The following TRANK1 variants were observed in gnomAD, a reference collection of about 807,000 sequenced individuals.
TRANK1 encodes the protein TPR and ankyrin repeat-containing protein 1.
TRANK1 carries 198 observed loss-of-function variants against 266.0 expected under a neutral mutation model. The ratio of observed to expected loss-of-function variants is 0.74; its 90% CI spans 0.66 to 0.84. TRANK1 has a LOEUF of 0.84. TRANK1 is among the 40% of genes least tolerant of loss of function. TRANK1 has a pLI of 0.00. For synonymous variants in TRANK1, 1,396 were observed against 1,384.1 expected, an observed-to-expected ratio of 1.01 and a Z score of -0.19; for missense variants, 3,326 against 3,634.6, an observed-to-expected ratio of 0.92 and a Z score of 2.18.
chr3:36,930,802 G>A (rs1171314507), intron 1 of TRANK1, among the ~76,000 whole-genome samples: 1 of 152,154 alleles, frequency 6.6e-6, no homozygotes, highest in Admixed American at 6.5e-5. Context: ...TGACTGGAAA[G>A]GGGTATCAGT....
At chr3:36,847,125 CTCTCA>C in intron 16 of TRANK1, 70 bp downstream of exon 16, 1 of 1,478,676 alleles carries the variant, frequency 6.8e-7, no homozygotes, top group Non-Finnish European at 9.1e-7. Flanking sequence ...TCCATTTTTC[CTCTCA>C]TCTTCTCTTC....
intron 1 of TRANK1, among the ~76,000 whole-genome samples, chr3:36,920,873 T>C (rs938935194): frequency 5.3e-5 from 8 of 152,120 alleles, no homozygotes; most frequent in African/African-American, 1.7e-4. Context: ...GAGTTGGGGG[T>C]TGTGTAATTT....
intron 8 of TRANK1, among the ~76,000 whole-genome samples, chr3:36,878,805 G>A (rs931625895): frequency 7.4e-6 from 1 of 135,998 alleles, no homozygotes; most frequent in Non-Finnish European, 1.5e-5. Flanking sequence ...AAAAGAAATG[G>A]CTCACTAAAA....
At chr3:36,918,499 GAAAGAAAGAAAGAAAGAAA>G (rs2080159105) in intron 1 of TRANK1, among the ~76,000 whole-genome samples, 1 of 28,548 alleles carries the variant, frequency 3.5e-5, no homozygotes, top group African/African-American at 1.5e-4. Flanking sequence ...AAGAAAGAAA[GAAAGAAAGAAAGAAAGAAA>G]GAAAGAAAGA....
At chr3:36,841,510 T>C (rs1159269216) in intron 18 of TRANK1, among the ~76,000 whole-genome samples, 1 of 152,182 alleles carries the variant, frequency 6.6e-6, no homozygotes, top group African/African-American at 2.4e-5. Context: ...GTTCCTCCTC[T>C]CTTTCTTGCC....
intron 8 of TRANK1, among the ~76,000 whole-genome samples, chr3:36,877,220 C>T (rs1405947508): frequency 3.3e-5 from 5 of 152,162 alleles, no homozygotes; most frequent in Non-Finnish European, 4.4e-5. Flanking sequence ...TACCAATAAG[C>T]TAGCACATCT....
At chr3:36,843,026 C>T (rs984573508) in intron 17 of TRANK1, among the ~76,000 whole-genome samples, 3 of 152,164 alleles carry the variant, frequency 2.0e-5, no homozygotes, top group Non-Finnish European at 4.4e-5. Context: ...TGGCTGGCTG[C>T]AAACCAAGGA....
intron 8 of TRANK1, among the ~76,000 whole-genome samples, chr3:36,885,819 C>A (rs1449775852): frequency 3.3e-5 from 5 of 152,262 alleles, no homozygotes; most frequent in African/African-American, 1.2e-4. Flanking sequence ...GGATTACAGG[C>A]AGGAGGCACT....
At chr3:36,883,636 A>C (rs1448605122) in intron 8 of TRANK1, among the ~76,000 whole-genome samples, 1 of 152,134 alleles carries the variant, frequency 6.6e-6, no homozygotes, top group Admixed American at 6.6e-5. Context: ...CTGATTATCT[A>C]TAAGGCTGGA....
intron 13 of TRANK1, 76 bp from the exon 14 acceptor site, chr3:36,852,421 A>G: frequency 7.3e-7 from 1 of 1,363,302 alleles, no homozygotes; most frequent in Admixed American, 2.8e-5. Flanking sequence ...GGTGGGGGAC[A>G]TGTTTTTCCT....
intron 20 of TRANK1, among the ~76,000 whole-genome samples, chr3:36,837,479 A>G (rs4234258): frequency 0.39 from 59,153 of 151,954 alleles, 12,336 homozygotes; most frequent in African/African-American, 0.52. Context: ...TACAGACAAG[A>G]AAACCCCCTT....
In TRANK1 at chr3:36,894,394, A is replaced by T. The variant is rs958031475; in HGVS notation, c.552+1246T>A. 2.6e-5 allele frequency among the ~76,000 whole-genome samples: 4 copies of T among 152,216 alleles called. No individual in the cohort carries two copies. The South Asian group carries it at 6.2e-4, about 24-fold the overall frequency. On this transcript the variant is annotated intron_variant, in intron 5 of 23. Transcript: ENST00000645898. The stretch of plus-strand genomic sequence containing the variant: ...GAATCACAGAATTTCAAAACTTTTT[A>T]AAAAATAAAGCTGGAAGGATCCTTA...
rs375054559 is a variant in TRANK1 at position 36,861,704 on chromosome 3, CT to C, written c.1241-545del. On this transcript the variant is annotated intron_variant, in intron 10 of 23. Transcript: ENST00000645898. ...GTTGGTGAATCTTAAGAGTAGAAAACTTTTTTTTTTTTTTTTTTTGAGATGG... is the reference window on the plus strand; with the variant it reads ...GTTGGTGAATCTTAAGAGTAGAAAACTTTTTTTTTTTTTTTTTTGAGATGG... 4.8e-3 allele frequency among the ~76,000 whole-genome samples: 594 copies of C among 124,124 alleles called. 3 individuals carry two copies. The highest frequency in any genetic ancestry group is 0.012 in the Admixed American group (140 of 11,276). 81.4% of individuals were successfully genotyped at this position (124,124 alleles called of 152,430 possible). A position where few individuals can be genotyped will look rare whatever the true frequency, so the allele number is the denominator to read the frequency against.
In TRANK1 at chr3:36,855,506, C is replaced by A; in HGVS notation, c.4216G>T (p.Gly1406Cys). Residue 1406 changes from glycine (G) to cysteine (C), a missense_variant, in exon 13 of 24, where the codon GGT becomes TGT. By Grantham distance (159) the Gly-to-Cys change is radical. Coordinates refer to ENST00000645898, the MANE Select transcript of TRANK1 (RefSeq NM_001329998.2). ...SLYQQIRSQK[G>C]YFDEEDVLYN... ...AGAACATCCTCTTCATCAAAATAAC[C>A]TTTCTGGGACCTGATTTGCTGATAC... is the stretch of plus-strand genomic sequence containing the variant. 6.2e-7 allele frequency: 1 copy of A among 1,613,946 alleles called. No homozygotes were observed. The highest frequency in any genetic ancestry group is 8.5e-7 in the Non-Finnish European group (1 of 1,179,882).
At chr3:36,923,758 A>G (rs978319658) in intron 1 of TRANK1, among the ~76,000 whole-genome samples, 16 of 151,726 alleles carry the variant, frequency 1.1e-4, no homozygotes, top group Non-Finnish European at 2.2e-4. Context: ...GGCAGGAGCT[A>G]CACTCTGGTG....
intron 3 of TRANK1, among the ~76,000 whole-genome samples, chr3:36,899,921 T>C (rs1267273221): frequency 1.3e-5 from 2 of 152,204 alleles, no homozygotes; most frequent in Non-Finnish European, 2.9e-5. Context: ...TGTAGTGGCA[T>C]GATCCTGGCT....
Position 36,856,162 on chromosome 3 carries a change from A to C in TRANK1, c.3560T>G (p.Leu1187Arg), listed in dbSNP as rs1322621891. ...EVCAPEHPHQ[L>R]EHLHQIFVTK... Reference sequence around the variant, plus strand: ...CACAAAGATCTGATGTAAATGCTCCAGCTGGTGGGGATGTTCTGGTGCACA... The same window carrying C: ...CACAAAGATCTGATGTAAATGCTCCCGCTGGTGGGGATGTTCTGGTGCACA... The change falls in exon 13 of 24, where the codon CTG becomes CGG. Residue 1187 changes from leucine to arginine, a missense_variant. By Grantham distance (102) the Leu-to-Arg change is moderately radical. Coordinates refer to ENST00000645898, the MANE Select transcript of TRANK1 (RefSeq NM_001329998.2). The C allele has an allele frequency of 6.2e-7, 1 of 1,613,934 alleles. No individual in the cohort carries two copies. Among genetic ancestry groups the C allele is most frequent in the Admixed American group, 1.7e-5 (1 of 60,014 alleles).
Position 36,832,426 on chromosome 3 carries a change from T to G in TRANK1, c.7157A>C (p.Lys2386Thr). The G allele has an allele frequency of 6.2e-7, 1 of 1,613,992 alleles. No homozygotes were observed. The highest frequency in any genetic ancestry group is 8.5e-7 in the Non-Finnish European group (1 of 1,179,894). ...RGSRIKGIEG[K>T]FGMLAPNRDD... is the part of the protein sequence containing the mutation. ...CCTGTTGGGTGCCAGCATGCCAAAT[T>G]TCCCTTCTATTCCTTTTATCCTGCT... Residue 2386 changes from lysine (K) to threonine (T), a missense_variant, in exon 22 of 24, where the codon AAA (lysine) becomes ACA (threonine). Coordinates refer to ENST00000645898, the MANE Select transcript of TRANK1 (RefSeq NM_001329998.2).
chr3:36,926,640 A>G lies in TRANK1; in HGVS notation c.23+18147T>C, dbSNP rs988524444. ...GCCCATTATAGTTACATCATTAACT[A>G]TAATCAAATGTACCAGGAATGGTAG... On this transcript the variant is annotated intron_variant, in intron 1 of 23. Transcript: ENST00000645898. Among the ~76,000 whole-genome samples the G allele has an allele frequency of 3.3e-5, 5 of 152,230 alleles. No homozygotes were observed. In the South Asian group the frequency reaches 1.0e-3, roughly 32 times the overall value.
Sources: gnomAD v4.1 joint callset for allele counts (sites outside exome capture counted in the v4.1 genomes callset) on GRCh38, gnomAD v4.1.1 for gene constraint, MANE v1.5 for transcripts, NCBI Gene and HGNC (gene_info 2026-07-23, HGNC 2026-07-21) for gene names.